The following SKAP1 variants were observed in gnomAD, a reference collection of about 807,000 sequenced individuals.
SKAP1 encodes src kinase associated phosphoprotein 1.
SKAP1 carries 44 observed loss-of-function variants against 58.5 expected under a neutral mutation model. That is an observed-to-expected ratio of 0.75 (90% confidence interval 0.59 to 0.97). The LOEUF is 0.97. Among genes scored for constraint, SKAP1 ranks in the 50% least tolerant of loss-of-function variants. SKAP1 has a pLI of 0.00. For synonymous variants in SKAP1, 127 were observed against 149.7 expected (o/e 0.85, Z 1.11); for missense variants, 390 against 435.2 (o/e 0.90, Z 0.92).
At chr17:48,237,395 G>T (rs571621592) in intron 4 of SKAP1, among the ~76,000 whole-genome samples, 34 of 152,226 alleles carry the variant, frequency 2.2e-4, no homozygotes, top group Admixed American at 1.4e-3. Context: ...AAAATGTTCT[G>T]GTCAAAACTG....
chr17:48,259,398 CA>C (rs927725140), intron 4 of SKAP1, among the ~76,000 whole-genome samples: 92 of 152,132 alleles, frequency 6.0e-4, no homozygotes, highest in African/African-American at 2.1e-3. Flanking sequence ...TATGAAATTA[CA>C]AATACACACA....
chr17:48,229,529 G>A (rs1338833454), intron 4 of SKAP1, among the ~76,000 whole-genome samples: 2 of 152,106 alleles, frequency 1.3e-5, no homozygotes, highest in Non-Finnish European at 2.9e-5. Context: ...GCTGAGGCAG[G>A]AGAATTGCTT....
At chr17:48,144,367 A>G (rs1224447338) in intron 11 of SKAP1, among the ~76,000 whole-genome samples, 2 of 152,188 alleles carry the variant, frequency 1.3e-5, no homozygotes, top group Non-Finnish European at 2.9e-5. Context: ...ACCACGAGGT[A>G]TTTTAAAATA....
chr17:48,320,947 A>G (rs1316461890), intron 4 of SKAP1, among the ~76,000 whole-genome samples: 4 of 152,164 alleles, frequency 2.6e-5, no homozygotes, highest in African/African-American at 7.2e-5. Flanking sequence ...GTGGAAATCT[A>G]TGCTTCCAGG....
intron 2 of SKAP1, among the ~76,000 whole-genome samples, chr17:48,394,649 A>G (rs2067393150): frequency 6.6e-6 from 1 of 152,178 alleles, no homozygotes; most frequent in Admixed American, 6.5e-5. Context: ...CCTGCCATAC[A>G]TGTTTAACTC....
Position 48,137,240 on chromosome 17 carries a change from CT to C in SKAP1, c.1075del (p.Arg359AspfsTer51). On this transcript the variant is annotated frameshift_variant, in exon 12 of 13. Coordinates refer to ENST00000336915, the MANE Select transcript of SKAP1 (RefSeq NM_003726.4). LOFTEE classifies it high-confidence loss of function. ...YLTTAFEVEE[R>X] is the part of the protein sequence containing the mutation. Reference sequence around the variant, plus strand: ...CATGGTTCTGATACCTGGGTTTCATCTTTCTTCCACTTCAAAGGCAGTGGTG... The same window carrying C: ...CATGGTTCTGATACCTGGGTTTCATCTTCTTCCACTTCAAAGGCAGTGGTG... 6.2e-7 allele frequency: 1 copy of C among 1,612,162 alleles called. No individual in the cohort carries two copies. The highest frequency in any genetic ancestry group is 8.5e-7 in the Non-Finnish European group (1 of 1,178,356).
chr17:48,361,432 T>C (rs2066938020), intron 3 of SKAP1, among the ~76,000 whole-genome samples: 1 of 152,058 alleles, frequency 6.6e-6, no homozygotes, highest in African/African-American at 2.4e-5. Flanking sequence ...CTCGAACTCC[T>C]GACCTCAGGT....
chr17:48,344,358 G>T (rs1452067637), intron 4 of SKAP1: 2 of 220,632 alleles, frequency 9.1e-6, no homozygotes, highest in Non-Finnish European at 1.5e-5. Flanking sequence ...TTAGAAACTT[G>T]TAAGAAGATT....
At chr17:48,142,981 CTT>C (rs776705662) in intron 11 of SKAP1, among the ~76,000 whole-genome samples, 15 of 132,952 alleles carry the variant, frequency 1.1e-4, no homozygotes, top group South Asian at 2.4e-4. Context: ...AAAAAAAAAA[CTT>C]TTTTTTTTTT....
intron 1 of SKAP1, among the ~76,000 whole-genome samples, chr17:48,428,540 ATT>A (rs1385408314): frequency 1.3e-5 from 2 of 152,268 alleles, no homozygotes; most frequent in African/African-American, 4.8e-5. Flanking sequence ...GAAGGAATGG[ATT>A]TCATTGCAAG....
chr17:48,169,380 T>A (rs779748124), intron 10 of SKAP1, among the ~76,000 whole-genome samples: 2 of 152,170 alleles, frequency 1.3e-5, no homozygotes, highest in Non-Finnish European at 2.9e-5. Flanking sequence ...GGAAGTTGGT[T>A]GAGAAAAGAT....
chr17:48,230,313 T>C (rs2143775964), intron 4 of SKAP1, among the ~76,000 whole-genome samples: 1 of 152,358 alleles, frequency 6.6e-6, no homozygotes, highest in South Asian at 2.1e-4. Context: ...TTGTCCATAC[T>C]AGGTTAAAGC....
At chr17:48,247,431 A>C (rs904586629) in intron 4 of SKAP1, among the ~76,000 whole-genome samples, 3 of 152,160 alleles carry the variant, frequency 2.0e-5, no homozygotes, top group Admixed American at 1.3e-4. Context: ...TGGGGCTGCA[A>C]TTTGCAAGCT....
intron 1 of SKAP1, among the ~76,000 whole-genome samples, chr17:48,423,164 C>T (rs937431049): frequency 5.3e-5 from 8 of 152,168 alleles, no homozygotes; most frequent in Non-Finnish European, 1.2e-4. Context: ...CTAAGTAAGA[C>T]CTTGATACTA....
intron 2 of SKAP1, among the ~76,000 whole-genome samples, chr17:48,365,771 C>T (rs914444231): frequency 2.3e-5 from 3 of 128,606 alleles, no homozygotes; most frequent in Admixed American, 8.4e-5. Flanking sequence ...TGTAGATGTG[C>T]GTCGGAGCTT....
intron 4 of SKAP1, among the ~76,000 whole-genome samples, chr17:48,271,104 A>T (rs1182642942): frequency 1.3e-5 from 2 of 152,088 alleles, no homozygotes; most frequent in African/African-American, 4.8e-5. Flanking sequence ...AAATAGGAAT[A>T]AACTCCTATT....
At chr17:48,328,457 C>T (rs757517255) in intron 4 of SKAP1, among the ~76,000 whole-genome samples, 17 of 152,094 alleles carry the variant, frequency 1.1e-4, no homozygotes, top group Non-Finnish European at 2.1e-4. Context: ...AACTTACAGC[C>T]TTATGACCCA....
intron 9 of SKAP1, among the ~76,000 whole-genome samples, chr17:48,177,652 T>C (rs2064309108): frequency 6.6e-6 from 1 of 152,044 alleles, no homozygotes; most frequent in Admixed American, 6.6e-5. Context: ...CCTTCTTAAT[T>C]TCTCCAGGTG....
At chr17:48,205,406 T>C (rs955490449) in intron 4 of SKAP1, among the ~76,000 whole-genome samples, 2 of 151,812 alleles carry the variant, frequency 1.3e-5, no homozygotes, top group Admixed American at 6.6e-5. Context: ...CTACCACACC[T>C]GGCCAAGGAA....
Sources: allele counts gnomAD v4.1 joint callset (sites outside exome capture counted in the v4.1 genomes callset), GRCh38; gene constraint gnomAD v4.1.1; transcripts MANE v1.5; gene names NCBI Gene and HGNC (gene_info 2026-07-23, HGNC 2026-07-21).